Variants in CACNG4 observed in about 807,000 individuals in gnomAD.
CACNG4 encodes voltage-dependent calcium channel gamma-4 subunit.
Under a neutral mutation model 22.9 loss-of-function variants are expected in CACNG4, and 8 were observed. That is an observed-to-expected ratio of 0.35 (90% CI 0.21 to 0.63). The LOEUF is 0.63. CACNG4 is among the 30% of genes least tolerant of loss of function. CACNG4 has a pLI of 0.72. For missense variants in CACNG4, 357 were observed against 455.4 expected (o/e 0.78, Z 1.97); for synonymous variants, 188 against 191.9 (o/e 0.98, Z 0.17).
At chr17:67,016,752 G>A (rs773754126) in intron 1 of CACNG4, among the ~76,000 whole-genome samples, 11 of 152,108 alleles carry the variant, frequency 7.2e-5, no homozygotes, top group Non-Finnish European at 1.0e-4. Context: ...AGGACGTGGC[G>A]GCAACACCCT....
rs2035602530 is a variant in CACNG4 at position 67,031,033 on chromosome 17, C to T, written c.*29C>T. The T allele has an allele frequency of 6.3e-7, 1 of 1,592,838 alleles. No homozygotes were observed. On this transcript the variant is annotated 3_prime_UTR_variant, in exon 4 of 4. Coordinates refer to ENST00000262138, the MANE Select transcript of CACNG4 (RefSeq NM_014405.4). The surrounding 1 kb of genome is among the most constrained non-coding windows in gnomAD (Gnocchi z 4.0). ...GCCTGCCCTTTCTCTCCGCTCCAGC[C>T]TCTCCCCAGAACGGCTCTTTTTGTC...
intron 2 of CACNG4, among the ~76,000 whole-genome samples, chr17:67,024,637 T>C (rs1328887185): frequency 6.6e-6 from 1 of 152,204 alleles, no homozygotes; most frequent in African/African-American, 2.4e-5. Flanking sequence ...CAGATGTGAC[T>C]CCAGGGTGAA....
intron 1 of CACNG4, among the ~76,000 whole-genome samples, chr17:66,987,932 G>A (rs779892964): frequency 6.6e-6 from 1 of 152,004 alleles, no homozygotes; most frequent in African/African-American, 2.4e-5. Context: ...TGGCATGCTC[G>A]AGACTGGGCA....
At chr17:66,973,501 T>C (rs1041912914) in intron 1 of CACNG4, among the ~76,000 whole-genome samples, 22 of 152,056 alleles carry the variant, frequency 1.4e-4, no homozygotes, top group Admixed American at 7.2e-4. Context: ...GAGCAGAAAG[T>C]GGCTGTGGGG....
chr17:66,965,397 C>T (rs2035163275), intron 1 of CACNG4, among the ~76,000 whole-genome samples: 4 of 150,346 alleles, frequency 2.7e-5, no homozygotes, highest in Admixed American at 6.6e-5. Context: ...CACAAACTCT[C>T]CACGCGCACA....
intron 1 of CACNG4, among the ~76,000 whole-genome samples, chr17:67,014,921 A>G (rs908367093): frequency 6.7e-5 from 10 of 149,598 alleles, no homozygotes; most frequent in African/African-American, 2.3e-4. Context: ...TGGGCGACAG[A>G]GCGAGACTCC....
chr17:66,990,036 A>G (rs532936900), intron 1 of CACNG4, among the ~76,000 whole-genome samples: 13 of 152,336 alleles, frequency 8.5e-5, no homozygotes, highest in African/African-American at 2.9e-4. Flanking sequence ...AAAACAACAC[A>G]GATTTATTAT....
chr17:67,017,840 G>A (rs551820746), intron 1 of CACNG4, among the ~76,000 whole-genome samples: 11 of 151,842 alleles, frequency 7.2e-5, no homozygotes, highest in Non-Finnish European at 1.2e-4. Context: ...TTCAAGATGC[G>A]GCTAAGAGTC....
chr17:67,026,925 C>G (rs1199795190), intron 3 of CACNG4, among the ~76,000 whole-genome samples: 1 of 150,238 alleles, frequency 6.7e-6, no homozygotes, highest in South Asian at 2.2e-4. Flanking sequence ...TGCCCCAGTG[C>G]CCGCCACCTG....
chr17:67,030,743 G>A lies in CACNG4; in HGVS notation c.723G>A (p.Arg241=), dbSNP rs2035598826. 6.2e-7 allele frequency: 1 copy of A among 1,614,202 alleles called. No individual in the cohort carries two copies. The change falls in exon 4 of 4, where the codon CGG becomes CGA. Residue 241 remains arginine (R), a synonymous_variant. Coordinates refer to ENST00000262138, the MANE Select transcript of CACNG4 (RefSeq NM_014405.4). The surrounding 1 kb of genome is among the most constrained non-coding windows in gnomAD (Gnocchi z 6.4). Reference sequence around the variant, plus strand: ...TGCCGAGCTACAGGTACCGGCGACGGCGCTCGAGGTCCAGCTCAAGGTCCA... The same window carrying A: ...TGCCGAGCTACAGGTACCGGCGACGACGCTCGAGGTCCAGCTCAAGGTCCA... ...ARMPSYRYRR[R]RSRSSSRSTE... is the part of the protein sequence containing the mutation.
At chr17:66,976,281 G>A (rs983269413) in intron 1 of CACNG4, among the ~76,000 whole-genome samples, 12 of 152,060 alleles carry the variant, frequency 7.9e-5, no homozygotes, top group East Asian at 7.7e-4. Flanking sequence ...CGGTTTGCTC[G>A]GCTGTCAAAT....
At chr17:66,998,140 A>G (rs1197116209) in intron 1 of CACNG4, among the ~76,000 whole-genome samples, 3 of 152,208 alleles carry the variant, frequency 2.0e-5, no homozygotes, top group Admixed American at 1.3e-4. Context: ...GGAAGACTCC[A>G]TCTATGCCGC....
At chr17:66,977,699 G>T (rs1346763475) in intron 1 of CACNG4, among the ~76,000 whole-genome samples, 2 of 152,176 alleles carry the variant, frequency 1.3e-5, no homozygotes, top group Non-Finnish European at 2.9e-5. Flanking sequence ...CCTCTCTCTT[G>T]TTTTTTTCTG....
Position 67,030,688 on chromosome 17 carries a change from A to C in CACNG4, c.668A>C (p.Lys223Thr). The part of the protein sequence containing the change: ...LRFKTKREFL[K>T]ASSSSPYARM... ...TTTAAGACCAAACGGGAATTCCTTAAGGCGTCTTCCTCTTCTCCTTATGCC... is the reference window on the plus strand; with the variant it reads ...TTTAAGACCAAACGGGAATTCCTTACGGCGTCTTCCTCTTCTCCTTATGCC... Residue 223 changes from lysine (K) to threonine (T), a missense_variant, in exon 4 of 4, where the codon AAG becomes ACG. Coordinates refer to ENST00000262138, the MANE Select transcript of CACNG4 (RefSeq NM_014405.4). This position sits in a 1 kb window ranked among gnomAD's most constrained non-coding sequence, Gnocchi z 6.4. 6.2e-7 allele frequency: 1 copy of C among 1,614,212 alleles called. No individual in the cohort carries two copies. The highest frequency in any genetic ancestry group is 2.2e-5 in the East Asian group (1 of 44,876).
chr17:66,995,536 A>G (rs1208118008), intron 1 of CACNG4, among the ~76,000 whole-genome samples: 2 of 152,126 alleles, frequency 1.3e-5, no homozygotes, highest in Non-Finnish European at 1.5e-5. Flanking sequence ...ACAGGAATTT[A>G]TGACAGTGTG....
intron 1 of CACNG4, among the ~76,000 whole-genome samples, chr17:66,974,198 G>A (rs1050356887): frequency 1.3e-5 from 2 of 152,188 alleles, no homozygotes; most frequent in African/African-American, 4.8e-5. Flanking sequence ...CCAGCTGGGG[G>A]CCGAGGCAGG....
At chr17:66,966,255 G>T (rs1474005391) in intron 1 of CACNG4, among the ~76,000 whole-genome samples, 1 of 152,256 alleles carries the variant, frequency 6.6e-6, no homozygotes, top group Non-Finnish European at 1.5e-5. Context: ...TCCCAGCAAG[G>T]TTGGGCACAG....
At position 67,018,244 on chromosome 17, in the gene CACNG4, C is replaced by T. The variant is rs34743848; in HGVS notation, c.276C>T (p.Tyr92=). 0.02 allele frequency: 31,510 copies of T among 1,613,796 alleles called. 352 individuals carry two copies. Among genetic ancestry groups the T allele is most frequent in the Middle Eastern group, 0.036 (216 of 6,062 alleles). The change falls in exon 2 of 4, where the codon TAC becomes TAT. Residue 92 remains tyrosine, a synonymous_variant. Transcript: ENST00000262138. ...ATCACTTCCCAGAGGACAATGACTA[C>T]GACCACGACAGCTCGGAGTACCTCC... ...RINHFPEDND[Y]DHDSSEYLLR... is the part of the protein sequence containing the mutation.
chr17:66,982,035 T>C (rs1039489918), intron 1 of CACNG4, among the ~76,000 whole-genome samples: 2 of 152,162 alleles, frequency 1.3e-5, no homozygotes, highest in African/African-American at 4.8e-5. Flanking sequence ...TCTGATAGGT[T>C]TATGGGCTCG....
Sources: allele counts gnomAD v4.1 joint callset (sites outside exome capture counted in the v4.1 genomes callset), GRCh38; gene constraint gnomAD v4.1.1; non-coding constraint Gnocchi (gnomAD v3.1); transcripts MANE v1.5; gene names NCBI Gene and HGNC (gene_info 2026-07-23, HGNC 2026-07-21).